Variants in CPNE5 observed in about 807,000 individuals in gnomAD.
CPNE5 encodes the protein copine-5.
Under a neutral mutation model 81.1 loss-of-function variants are expected in CPNE5, and 42 were observed. The observed-to-expected ratio is 0.52, with a 90% CI of 0.40 to 0.67. The LOEUF is 0.67. CPNE5 is among the 30% of genes least tolerant of loss of function. The pLI, the probability that CPNE5 is intolerant of heterozygous loss-of-function variation, is 0.00. For synonymous variants in CPNE5, 313 were observed against 321.5 expected, an observed-to-expected ratio of 0.97 and a Z score of 0.28; for missense variants, 612 against 815.5, an observed-to-expected ratio of 0.75 and a Z score of 3.04.
In CPNE5 at chr6:36,762,881, G is replaced by C. The variant is rs142785538; in HGVS notation, c.855+36C>G. 3.8e-6 allele frequency: 6 copies of C among 1,561,134 alleles called. No individual in the cohort carries two copies. The African/African-American group carries it at 6.8e-5, about 18-fold the overall frequency. ...CAGTCCTCAGTGACTGGGCCACTTA[G>C]TAGTGCAAACCCTGGATTTCGGGTG... On this transcript the variant is annotated intron_variant, in intron 12 of 20. Coordinates refer to ENST00000244751, the MANE Select transcript of CPNE5 (RefSeq NM_020939.2).
At chr6:36,789,843 G>A (rs2150501512) in intron 8 of CPNE5, among the ~76,000 whole-genome samples, 1 of 152,326 alleles carries the variant, frequency 6.6e-6, no homozygotes, top group South Asian at 2.1e-4. Flanking sequence ...GGTGCACACT[G>A]GGTGGGGTTC....
At chr6:36,820,083 T>C (rs236381) in intron 3 of CPNE5, among the ~76,000 whole-genome samples, 33,787 of 152,178 alleles carry the variant, frequency 0.22, 3,917 homozygotes, top group East Asian at 0.32. Context: ...AACCTTGTCC[T>C]TGCTCAGCCA....
intron 3 of CPNE5, 79 bp downstream of exon 3, chr6:36,822,035 G>A (rs1191464281): frequency 6.7e-6 from 9 of 1,342,020 alleles, no homozygotes; most frequent in Admixed American, 4.7e-5. Flanking sequence ...ACATGTCAGG[G>A]AAATTGCTCC....
chr6:36,817,776 G>A (rs1450082954), intron 3 of CPNE5, among the ~76,000 whole-genome samples: 1 of 152,156 alleles, frequency 6.6e-6, no homozygotes, highest in East Asian at 1.9e-4. Flanking sequence ...TAGGAGGACG[G>A]GAAGAGACTG....
intron 1 of CPNE5, among the ~76,000 whole-genome samples, chr6:36,831,731 G>A (rs236359): frequency 0.028 from 4,304 of 151,564 alleles, 192 homozygotes; most frequent in African/African-American, 0.095. Flanking sequence ...TCAGTTATTG[G>A]TACCTATTAC....
chr6:36,766,044 G>A lies in CPNE5; in HGVS notation c.738-668C>T, dbSNP rs954675269. On this transcript the variant is annotated intron_variant, in intron 10 of 20. Transcript: ENST00000244751. This position sits in a 1 kb window ranked among gnomAD's most constrained non-coding sequence, Gnocchi z 4.2. Reference sequence around the variant, plus strand: ...CACGTTCCCATGGCAACAGGCTAGCGGACCAGAGCTGGGAGGAGGGAGGTG... The same window carrying A: ...CACGTTCCCATGGCAACAGGCTAGCAGACCAGAGCTGGGAGGAGGGAGGTG... 3.3e-5 allele frequency among the ~76,000 whole-genome samples: 5 copies of A among 152,186 alleles called. No homozygotes were observed. Among genetic ancestry groups the A allele is most frequent in the East Asian group, 3.9e-4 (2 of 5,194 alleles).
chr6:36,763,115 C>G, intron 11 of CPNE5, 123 bp from the exon 12 acceptor site: 1 of 825,458 alleles, frequency 1.2e-6, no homozygotes, highest in Non-Finnish European at 2.0e-6. Context: ...TCCAGGGGCA[C>G]ACGCCAGCAG....
chr6:36,822,168 G>T lies in CPNE5; in HGVS notation c.137-8C>A. ...GGGTATACATGACGCACACTGCGGG[G>T]GGAGGAGAAACAGTGGATTAATACC... is the stretch of plus-strand genomic sequence containing the variant. On this transcript the variant is annotated splice_region_variant and splice_polypyrimidine_tract_variant and intron_variant, in intron 2 of 20. Transcript: ENST00000244751. 2 of 1,508,382 alleles carry T rather than the reference G, an allele frequency of 1.3e-6. No homozygotes were observed. Among genetic ancestry groups the T allele is most frequent in the Non-Finnish European group, 8.9e-7 (1 of 1,117,588 alleles). The allele number at this position is 1,508,382 out of a possible 1,614,324, so 93.4% of individuals were successfully genotyped here.
intron 18 of CPNE5, 150 bp from the exon 19 acceptor site, chr6:36,744,475 T>G: frequency 3.0e-6 from 2 of 661,902 alleles, no homozygotes; most frequent in Non-Finnish European, 5.4e-6. Flanking sequence ...GAAAAGGGGG[T>G]AGGGAGAGGG....
intron 9 of CPNE5, among the ~76,000 whole-genome samples, chr6:36,777,380 C>A (rs931096331): frequency 6.6e-6 from 1 of 152,044 alleles, no homozygotes; most frequent in Non-Finnish European, 1.5e-5. Flanking sequence ...TCCTACACAG[C>A]GCTCTGCTAG....
chr6:36,806,392 TG>T (rs1490698265), intron 3 of CPNE5, among the ~76,000 whole-genome samples: 2 of 152,098 alleles, frequency 1.3e-5, no homozygotes, highest in Non-Finnish European at 2.9e-5. Flanking sequence ...CTCAGCTCCA[TG>T]GTTCTGGGAG....
chr6:36,742,564 AT>A, intron 20 of CPNE5, 78 bp from the exon 21 acceptor site: 2 of 1,268,132 alleles, frequency 1.6e-6, no homozygotes, highest in Non-Finnish European at 2.2e-6. Flanking sequence ...CTGGGGTTGC[AT>A]CCCCACCCCC....
intron 14 of CPNE5, 32 bp from the exon 15 acceptor site, chr6:36,748,299 T>C: frequency 6.2e-7 from 1 of 1,608,316 alleles, no homozygotes; most frequent in Non-Finnish European, 8.5e-7. Context: ...GGGAGTCACC[T>C]GGAGGGAGGC....
intron 8 of CPNE5, among the ~76,000 whole-genome samples, chr6:36,779,831 G>A (rs1767865881): frequency 6.6e-6 from 1 of 152,166 alleles, no homozygotes; most frequent in Admixed American, 6.5e-5. Context: ...CCCCTCCCGT[G>A]TGGCCTCTGC....
intron 1 of CPNE5, among the ~76,000 whole-genome samples, chr6:36,826,566 C>T (rs747968720): frequency 2.0e-5 from 3 of 152,160 alleles, no homozygotes; most frequent in South Asian, 2.1e-4. Flanking sequence ...TGTACACGAT[C>T]GGTTGCAAAA....
chr6:36,804,233 A>G (rs1482745766), intron 3 of CPNE5, among the ~76,000 whole-genome samples: 3 of 152,204 alleles, frequency 2.0e-5, no homozygotes, highest in Non-Finnish European at 4.4e-5. Context: ...AAGCATTATG[A>G]AAATCAAATA....
chr6:36,796,927 T>G (rs1197039886), intron 6 of CPNE5, among the ~76,000 whole-genome samples: 1 of 152,034 alleles, frequency 6.6e-6, no homozygotes, highest in Non-Finnish European at 1.5e-5. Flanking sequence ...TATTATTATT[T>G]TGAGACAGAG....
At chr6:36,798,280 C>T in intron 5 of CPNE5, 39 bp from the exon 6 acceptor site, 1 of 1,590,910 alleles carries the variant, frequency 6.3e-7, no homozygotes, top group Non-Finnish European at 8.6e-7. Flanking sequence ...GTGTCACCCA[C>T]TCTGCTCACA....
chr6:36,784,775 C>T (rs959148469), intron 8 of CPNE5, among the ~76,000 whole-genome samples: 1 of 152,000 alleles, frequency 6.6e-6, no homozygotes, highest in African/African-American at 2.4e-5. Context: ...AACCCCATCT[C>T]TACTAAAAAT....
Sources: allele counts gnomAD v4.1 joint callset (sites outside exome capture counted in the v4.1 genomes callset), GRCh38; gene constraint gnomAD v4.1.1; non-coding constraint Gnocchi (gnomAD v3.1); transcripts MANE v1.5; gene names NCBI Gene and HGNC (gene_info 2026-07-23, HGNC 2026-07-21).